Variants in CCDC39 observed in about 807,000 individuals in gnomAD.
The protein encoded by CCDC39 is coiled-coil domain-containing protein 39.
A neutral mutation model predicts 121.0 loss-of-function variants in CCDC39; 113 were observed. The ratio of observed to expected loss-of-function variants is 0.93; its 90% confidence interval spans 0.80 to 1.09. The LOEUF (loss-of-function observed/expected upper bound fraction) is 1.09. CCDC39 is among the 50% of genes least tolerant of loss of function. The probability of loss-of-function intolerance (pLI) is 0.00; values close to 1 mark genes in which losing one functional copy is unlikely to be tolerated. For missense variants in CCDC39, 1,063 were observed against 1,074.7 expected (o/e 0.99, Z 0.15); for synonymous variants, 349 against 352.2 (o/e 0.99, Z 0.10).
chr3:180,647,749 A>G (rs1447388096), intron 10 of CCDC39, among the ~76,000 whole-genome samples: 1 of 152,138 alleles, frequency 6.6e-6, no homozygotes, highest in Non-Finnish European at 1.5e-5. Context: ...GATTAACACA[A>G]ATATATAAAT....
intron 13 of CCDC39, among the ~76,000 whole-genome samples, chr3:180,638,116 T>C (rs976069610): frequency 5.3e-5 from 8 of 151,312 alleles, no homozygotes; most frequent in African/African-American, 1.7e-4. Context: ...CCAGGAAGGG[T>C]CAAGCAAGAG....
chr3:180,665,497 T>C (rs1044681855), intron 1 of CCDC39, among the ~76,000 whole-genome samples: 4 of 152,340 alleles, frequency 2.6e-5, no homozygotes, highest in Admixed American at 2.0e-4. Context: ...TTTACTCATT[T>C]GTATGTCCTA....
chr3:180,645,132 A>G (rs1404424672), intron 11 of CCDC39, among the ~76,000 whole-genome samples: 1 of 152,136 alleles, frequency 6.6e-6, no homozygotes, highest in African/African-American at 2.4e-5. Context: ...AGATGAGGAC[A>G]GTTTCTACCT....
intron 14 of CCDC39, among the ~76,000 whole-genome samples, chr3:180,623,182 G>A (rs1199607080): frequency 1.3e-5 from 2 of 150,874 alleles, no homozygotes; most frequent in Admixed American, 6.6e-5. Flanking sequence ...GTTCAACCTT[G>A]GGAGGGTGTA....
chr3:180,628,995 G>A (rs987022911), intron 14 of CCDC39, among the ~76,000 whole-genome samples: 11 of 152,118 alleles, frequency 7.2e-5, no homozygotes, highest in African/African-American at 2.2e-4. Flanking sequence ...AATCCACTAC[G>A]TTGGAAAACA....
intron 13 of CCDC39, among the ~76,000 whole-genome samples, chr3:180,635,074 A>C (rs1478547920): frequency 6.6e-6 from 1 of 152,202 alleles, no homozygotes; most frequent in African/African-American, 2.4e-5. Context: ...GGAAACATAT[A>C]ATCATGAATC....
intron 13 of CCDC39, among the ~76,000 whole-genome samples, chr3:180,640,117 G>A (rs531283747): frequency 2.6e-5 from 4 of 152,150 alleles, no homozygotes; most frequent in African/African-American, 9.6e-5. Flanking sequence ...ACTTGTGGGG[G>A]TGATGGATAC....
At chr3:180,678,429 T>C (rs1464193292) in intron 1 of CCDC39, among the ~76,000 whole-genome samples, 1 of 152,218 alleles carries the variant, frequency 6.6e-6, no homozygotes, top group East Asian at 1.9e-4. Context: ...CATCTGTTAT[T>C]CTTGGACCTT....
chr3:180,663,581 A>G (rs1429980523), intron 2 of CCDC39, among the ~76,000 whole-genome samples: 1 of 151,844 alleles, frequency 6.6e-6, no homozygotes, highest in Non-Finnish European at 1.5e-5. Flanking sequence ...GAGGCATGAG[A>G]ATCTTTTGAA....
In CCDC39 at chr3:180,616,688, T is replaced by C. The variant is rs746421549; in HGVS notation, c.2414A>G (p.Lys805Arg). Residue 805 changes from lysine to arginine, a missense_variant, in exon 18 of 20, where the codon AAA (lysine) becomes AGA (arginine). Transcript: ENST00000476379. ...CAAAAGACGGATTTCCTTTGTGAGT[T>C]TTGCACACTGTTGGTAAATAATAGT... ...KLERVTKQCA[K>R]LTKEIRLLKD... The C allele has an allele frequency of 6.3e-7, 1 of 1,588,548 alleles. No homozygotes were observed. The highest frequency in any genetic ancestry group is 8.6e-7 in the Non-Finnish European group (1 of 1,165,592).
At chr3:180,617,323 T>C in intron 16 of CCDC39, 2 of 491,174 alleles carry the variant, frequency 4.1e-6, no homozygotes, top group Non-Finnish European at 3.6e-6. Context: ...ATAGTGATAA[T>C]AAAAGATATT....
At chr3:180,676,202 C>G (rs1475367088) in intron 1 of CCDC39, among the ~76,000 whole-genome samples, 1 of 151,984 alleles carries the variant, frequency 6.6e-6, no homozygotes, top group African/African-American at 2.4e-5. Flanking sequence ...TCAGAATGAA[C>G]AGGCAAACTA....
chr3:180,634,176 A>G (rs1717772326), intron 13 of CCDC39, among the ~76,000 whole-genome samples: 1 of 144,726 alleles, frequency 6.9e-6, no homozygotes, highest in African/African-American at 2.6e-5. Flanking sequence ...CCAGCTGAAC[A>G]CTACCAGTAA....
At position 180,616,903 on chromosome 3, in the gene CCDC39, C is replaced by A; in HGVS notation, c.2329G>T (p.Glu777Ter). Residue 777 changes from glutamate (E) to a stop codon, truncating the protein, a stop_gained, in exon 17 of 20, where the codon GAG (glutamate) becomes TAG (stop). Transcript: ENST00000476379. LOFTEE classifies it high-confidence loss of function. ...AGTTGAAATGAATAAGCCTGCTTCT[C>A]TGATAACTTTTCTTTAACATTATTT... is the stretch of plus-strand genomic sequence containing the variant. ...LANNVKEKLSEKQAYSFQLSK... is the reference protein window; with the variant it reads ...LANNVKEKLS 6.4e-7 allele frequency: 1 copy of A among 1,566,374 alleles called. No individual in the cohort carries two copies. The highest frequency in any genetic ancestry group is 8.8e-7 in the Non-Finnish European group (1 of 1,141,826).
chr3:180,615,544 A>G (rs1664233163), intron 19 of CCDC39, among the ~76,000 whole-genome samples: 1 of 152,152 alleles, frequency 6.6e-6, no homozygotes, highest in African/African-American at 2.4e-5. Flanking sequence ...AAAAAGTTTT[A>G]AATATATATT....
chr3:180,622,828 A>C (rs1717461664), intron 14 of CCDC39, among the ~76,000 whole-genome samples: 1 of 151,408 alleles, frequency 6.6e-6, no homozygotes, highest in Non-Finnish European at 1.5e-5. Flanking sequence ...ATTTTGCTGG[A>C]GATTTTTGTG....
At position 180,638,515 on chromosome 3, in the gene CCDC39, C is replaced by T. The variant is rs142779602; in HGVS notation, c.1874+3478G>A. Among the ~76,000 whole-genome samples, 1,416 of 152,046 alleles carry T rather than the reference C, an allele frequency of 9.3e-3. 10 individuals are homozygous for T. The highest frequency in any genetic ancestry group is 0.015 in the Non-Finnish European group (996 of 67,910). On this transcript the variant is annotated intron_variant, in intron 13 of 19. Transcript: ENST00000476379. Reference sequence around the variant, plus strand: ...ATTAAATCAAGAAACAAAACACATACGTAATTTTAAATTATTGCTGACATT... The same window carrying T: ...ATTAAATCAAGAAACAAAACACATATGTAATTTTAAATTATTGCTGACATT...
At chr3:180,630,815 C>T (rs944065705) in intron 14 of CCDC39, among the ~76,000 whole-genome samples, 3 of 152,132 alleles carry the variant, frequency 2.0e-5, no homozygotes, top group Non-Finnish European at 2.9e-5. Flanking sequence ...GGTCTGTCTC[C>T]CTATAATATC....
chr3:180,619,816 G>A lies in CCDC39; in HGVS notation c.2153C>T (p.Pro718Leu), dbSNP rs767117097. Residue 718 changes from proline to leucine, a missense_variant, in exon 15 of 20, where the codon CCA (proline) becomes CTA (leucine). Pro to Leu is a moderately conservative substitution (Grantham distance 98). Coordinates refer to ENST00000476379, the MANE Select transcript of CCDC39 (RefSeq NM_181426.2). ...AAAAGTTAACTCCTACATACTAGAT[G>A]GAGTCACTTTTTTAAAAGATTGCTT... ...NYKQSFKKVT[P>L]SSDEYELKIQ... is the part of the protein sequence containing the mutation. 6.3e-7 allele frequency: 1 copy of A among 1,584,200 alleles called. No individual in the cohort carries two copies. The highest frequency in any genetic ancestry group is 1.4e-5 in the African/African-American group (1 of 72,882).
Sources: allele counts gnomAD v4.1 joint callset (sites outside exome capture counted in the v4.1 genomes callset), GRCh38; gene constraint gnomAD v4.1.1; transcripts MANE v1.5; gene names NCBI Gene and HGNC (gene_info 2026-07-23, HGNC 2026-07-21).